The following AKAP9 variants were observed in gnomAD, a reference collection of about 807,000 sequenced individuals.
AKAP9 encodes the protein A-kinase anchoring protein 9, also known as A-kinase anchor protein 9.
Under a neutral mutation model 488.5 loss-of-function variants are expected in AKAP9, and 311 were observed. That is an observed-to-expected ratio of 0.64 (90% CI 0.58 to 0.70). The LOEUF (loss-of-function observed/expected upper bound fraction) is 0.70. Among genes scored for constraint, AKAP9 ranks in the 30% least tolerant of loss-of-function variants. The pLI, the probability that AKAP9 is intolerant of heterozygous loss-of-function variation, is 0.00. For missense variants in AKAP9, 4,215 were observed against 4,374.5 expected (o/e 0.96, Z 1.03); for synonymous variants, 1,462 against 1,483.5 (o/e 0.99, Z 0.33).
intron 1 of AKAP9, among the ~76,000 whole-genome samples, chr7:91,949,668 A>G (rs1584532097): frequency 6.6e-6 from 1 of 152,316 alleles, no homozygotes; most frequent in East Asian, 1.9e-4. Flanking sequence ...TTCTAGGTAC[A>G]TTGCATAAAG....
Position 92,001,468 on chromosome 7 carries a change from A to G in AKAP9, c.1551A>G (p.Gly517=), listed in dbSNP as rs1489048996. ...AGGAAAAACTCAAGGAAGAACTAGG[A>G]CTAATTTTAGAAGAAAAGTGTGCTC... ...SQKEKLKEEL[G]LILEEKCALQ... Residue 517 remains glycine, a synonymous_variant, in exon 8 of 50, where the codon GGA becomes GGG. Transcript: ENST00000356239. The G allele has an allele frequency of 1.9e-6, 3 of 1,613,920 alleles. No individual in the cohort carries two copies. In the East Asian group the frequency reaches 6.7e-5, roughly 36 times the overall value.
At chr7:92,084,778 A>AT (rs762228927) in intron 34 of AKAP9, 41 bp from the exon 35 acceptor site, 27,682 of 1,097,756 alleles carry the variant, frequency 0.025, no homozygotes, top group East Asian at 0.027. Context: ...CTGGGGTTTG[A>AT]TTTTTTTTTT....
intron 15 of AKAP9, among the ~76,000 whole-genome samples, chr7:92,030,800 C>T (rs1804108617): frequency 7.8e-6 from 1 of 128,240 alleles, no homozygotes; most frequent in African/African-American, 3.0e-5. Flanking sequence ...CCTGCCTCTG[C>T]TCAACATTGT....
At chr7:91,987,924 C>T (rs1196435725) in intron 3 of AKAP9, among the ~76,000 whole-genome samples, 1 of 152,098 alleles carries the variant, frequency 6.6e-6, no homozygotes, top group Non-Finnish European at 1.5e-5. Context: ...GTAATCTCTG[C>T]ACTTTGGGAG....
chr7:92,023,449 T>A (rs181371023), intron 14 of AKAP9, among the ~76,000 whole-genome samples: 291 of 152,296 alleles, frequency 1.9e-3, no homozygotes, highest in African/African-American at 6.5e-3. Context: ...CTGGCTCTTC[T>A]CAAAATTTGC....
Position 92,076,870 on chromosome 7 carries a change from G to T in AKAP9, c.6628G>T (p.Glu2210Ter). 6.8e-7 allele frequency: 1 copy of T among 1,466,282 alleles called. No homozygotes were observed. Among genetic ancestry groups the T allele is most frequent in the South Asian group, 1.3e-5 (1 of 79,550 alleles). 90.8% of individuals were successfully genotyped at this position (1,466,282 alleles called of 1,614,324 possible). A position where few individuals can be genotyped will look rare whatever the true frequency, so the allele number is the denominator to read the frequency against. ...RKEKEITNLE[E>*]QLEQFREELE... Reference sequence around the variant, plus strand: ...GTTATTAAAGATTACAAACTTAGAAGAGCAATTAGAACAGTTTAGAGAAGA... The same window carrying T: ...GTTATTAAAGATTACAAACTTAGAATAGCAATTAGAACAGTTTAGAGAAGA... Residue 2210 changes from glutamate (E) to a stop codon, truncating the protein, a stop_gained, in exon 29 of 50, where the codon GAG becomes TAG. Coordinates refer to ENST00000356239, the MANE Select transcript of AKAP9 (RefSeq NM_005751.5). LOFTEE classifies it high-confidence loss of function.
At chr7:91,985,180 T>C (rs926542213) in intron 3 of AKAP9, among the ~76,000 whole-genome samples, 1 of 152,194 alleles carries the variant, frequency 6.6e-6, no homozygotes, top group Admixed American at 6.5e-5. Context: ...GAGGGCATCC[T>C]TGTCTTGTGT....
chr7:91,951,564 G>A (rs1792254085), intron 1 of AKAP9, among the ~76,000 whole-genome samples: 1 of 152,088 alleles, frequency 6.6e-6, no homozygotes, highest in South Asian at 2.1e-4. Context: ...GGCTCAAGCG[G>A]TTCTCCCACC....
At chr7:91,949,737 T>C (rs1791956147) in intron 1 of AKAP9, among the ~76,000 whole-genome samples, 1 of 152,218 alleles carries the variant, frequency 6.6e-6, no homozygotes. Flanking sequence ...ATTCAGAGTA[T>C]TCAAAAATTT....
Position 92,095,123 on chromosome 7 carries a change from G to C in AKAP9, c.9679G>C (p.Glu3227Gln), listed in dbSNP as rs1258972045. ...AGAGCTCCAGTGGGCTTTGGAGAAA[G>C]AGAAAGCCAAGTTGGGACGCAGTGA... ...SRELQWALEK[E>Q]KAKLGRSEER... The change falls in exon 40 of 50, where the codon GAG becomes CAG. Residue 3227 changes from glutamate to glutamine, a missense_variant. Physicochemically the swap from Glu to Gln is conservative, Grantham distance 29 (BLOSUM62 2). Around this residue, in one of 5 missense-constraint regions of AKAP9, gnomAD observed 1,476 missense variants for 1,477.4 expected, o/e 1.00. Coordinates refer to ENST00000356239, the MANE Select transcript of AKAP9 (RefSeq NM_005751.5). 6.2e-7 allele frequency: 1 copy of C among 1,614,172 alleles called. No homozygotes were observed. Among genetic ancestry groups the C allele is most frequent in the Non-Finnish European group, 8.5e-7 (1 of 1,180,016 alleles).
chr7:92,037,781 T>G (rs1475754065), intron 16 of AKAP9, among the ~76,000 whole-genome samples: 1 of 152,210 alleles, frequency 6.6e-6, no homozygotes, highest in Non-Finnish European at 1.5e-5. Context: ...TATGCACAAT[T>G]ATATAATTAC....
At chr7:92,012,338 C>A in intron 8 of AKAP9, 91 bp from the exon 9 acceptor site, 2 of 1,167,728 alleles carry the variant, frequency 1.7e-6, no homozygotes, top group African/African-American at 1.6e-5. Context: ...AATTTTTAAA[C>A]TCTTGTAGTC....
At chr7:91,980,158 A>T in intron 2 of AKAP9, 131 bp from the exon 3 acceptor site, 1 of 513,142 alleles carries the variant, frequency 1.9e-6, no homozygotes, top group Non-Finnish European at 3.5e-6. Flanking sequence ...GATTTGAGTA[A>T]TTTTTACTAG....
chr7:92,031,373 T>C, intron 15 of AKAP9, 139 bp from the exon 16 acceptor site: 1 of 621,800 alleles, frequency 1.6e-6, no homozygotes, highest in Non-Finnish European at 2.8e-6. Flanking sequence ...ATTGAGAGAA[T>C]TAAAATTTAT....
At chr7:92,102,967 T>A in intron 46 of AKAP9, 141 bp downstream of exon 46, 1 of 776,874 alleles carries the variant, frequency 1.3e-6, no homozygotes, top group Non-Finnish European at 2.1e-6. Context: ...GCATGTCTGC[T>A]TTTTTTTTCT....
chr7:91,941,310 C>T (rs1055966658), intron 1 of AKAP9, 163 bp downstream of exon 1: 5 of 602,822 alleles, frequency 8.3e-6, no homozygotes, highest in African/African-American at 7.5e-5. Flanking sequence ...TCCTCCTTTC[C>T]CCTTTTTCCA....
intron 3 of AKAP9, among the ~76,000 whole-genome samples, chr7:91,981,759 C>T (rs571241829): frequency 6.6e-6 from 1 of 152,094 alleles, no homozygotes; most frequent in African/African-American, 2.4e-5. Flanking sequence ...GCATGTGCCA[C>T]CACACCCGGC....
intron 30 of AKAP9, among the ~76,000 whole-genome samples, chr7:92,078,194 C>T (rs572665547): frequency 2.0e-5 from 3 of 152,026 alleles, no homozygotes; most frequent in Non-Finnish European, 4.4e-5. Context: ...GATGGGGTTT[C>T]ACCATGTTGA....
intron 2 of AKAP9, among the ~76,000 whole-genome samples, chr7:91,975,180 T>C (rs1795500749): frequency 6.6e-6 from 1 of 152,036 alleles, no homozygotes; most frequent in Non-Finnish European, 1.5e-5. Context: ...TTTATTTTAG[T>C]TTTTTGTAGA....
Sources: gnomAD v4.1 joint callset for allele counts (sites outside exome capture counted in the v4.1 genomes callset) on GRCh38, gnomAD v4.1.1 for gene constraint, gnomAD v4.1.1 regional missense constraint, MANE v1.5 for transcripts, NCBI Gene and HGNC (gene_info 2026-07-23, HGNC 2026-07-21) for gene names.